NAV2: variants seen among roughly 807,000 people sequenced by gnomAD.
NAV2 encodes helicase, APC down-regulated 1.
Under a neutral mutation model 223.2 loss-of-function variants are expected in NAV2, and 54 were observed. That is an observed-to-expected ratio of 0.24 (90% confidence interval 0.19 to 0.30). The LOEUF (loss-of-function observed/expected upper bound fraction) is 0.30. Ranked by LOEUF, NAV2 falls within the 10% of genes least tolerant of loss-of-function variation. NAV2 has a pLI of 1.00. For synonymous variants in NAV2, 1,279 were observed against 1,239.3 expected (o/e 1.03, Z -0.67); for missense variants, 2,806 against 3,147.5 (o/e 0.89, Z 2.60).
chr11:19,771,437 G>T (rs1461394385), intron 1 of NAV2, among the ~76,000 whole-genome samples: 1 of 152,080 alleles, frequency 6.6e-6, no homozygotes, highest in Non-Finnish European at 1.5e-5. Flanking sequence ...GAGAATGGAA[G>T]GAAAAACCTT....
At chr11:20,062,251 CT>C in intron 19 of NAV2, 55 bp from the exon 20 acceptor site, 1 of 1,353,982 alleles carries the variant, frequency 7.4e-7, no homozygotes, top group Non-Finnish European at 1.0e-6. Flanking sequence ...CCCCTGTCCC[CT>C]TTTTGGTTCC....
chr11:19,821,033 C>CTGGT (rs1293466844), intron 1 of NAV2, among the ~76,000 whole-genome samples: 5 of 152,126 alleles, frequency 3.3e-5, no homozygotes, highest in Non-Finnish European at 7.4e-5. Flanking sequence ...GAGGCCGAGG[C>CTGGT]GGGCAAATCA....
At chr11:20,075,217 G>GTTT (rs1386079912) in intron 22 of NAV2, among the ~76,000 whole-genome samples, 1 of 100,664 alleles carries the variant, frequency 9.9e-6, no homozygotes, top group African/African-American at 5.8e-5. Flanking sequence ...TTGTTTTTTT[G>GTTT]TTTTGTTTTT....
In NAV2 at chr11:20,107,660, C is replaced by G; in HGVS notation, c.6842-4C>G. 1 of 1,612,886 alleles carries G rather than the reference C, an allele frequency of 6.2e-7. No individual in the cohort carries two copies. The highest frequency in any genetic ancestry group is 8.5e-7 in the Non-Finnish European group (1 of 1,178,884). On this transcript the variant is annotated splice_region_variant and splice_polypyrimidine_tract_variant and intron_variant, in intron 35 of 37. Coordinates refer to ENST00000349880, the MANE Select transcript of NAV2 (RefSeq NM_145117.5). ...TGCTAATGTATTTTCACTGTGGTCTCCAGGCCCCCGGCTCTTCCTGTCATG... is the reference window on the plus strand; with the variant it reads ...TGCTAATGTATTTTCACTGTGGTCTGCAGGCCCCCGGCTCTTCCTGTCATG...
chr11:20,105,808 T>A, intron 35 of NAV2, 81 bp downstream of exon 35: 1 of 1,116,812 alleles, frequency 9.0e-7, no homozygotes, highest in Non-Finnish European at 1.3e-6. Context: ...GACAGCACTT[T>A]GCAGGCACAG....
At chr11:20,062,164 C>T in intron 19 of NAV2, 143 bp from the exon 20 acceptor site, 1 of 538,544 alleles carries the variant, frequency 1.9e-6, no homozygotes, top group Non-Finnish European at 3.2e-6. Flanking sequence ...GACCTATCGC[C>T]AAACCAGGAA....
intron 1 of NAV2, among the ~76,000 whole-genome samples, chr11:19,812,068 A>T (rs1202643244): frequency 6.6e-6 from 1 of 152,162 alleles, no homozygotes; most frequent in Non-Finnish European, 1.5e-5. Flanking sequence ...TCCTGTCCAC[A>T]TTGAAAAAAG....
chr11:19,835,194 C>T (rs2060164122), intron 2 of NAV2, among the ~76,000 whole-genome samples: 2 of 152,186 alleles, frequency 1.3e-5, no homozygotes, highest in South Asian at 4.1e-4. Flanking sequence ...CATCTTTAGG[C>T]CTAGGGTACT....
rs555239456 is a variant in NAV2, at chr11:19,842,007, G to A, written c.386-864G>A. Among the ~76,000 whole-genome samples, 3 of 152,296 alleles carry A rather than the reference G, an allele frequency of 2.0e-5. No homozygotes were observed. The South Asian group carries it at 6.2e-4, about 32-fold the overall frequency. On this transcript the variant is annotated intron_variant, in intron 2 of 37. Transcript: ENST00000349880. Reference sequence around the variant, plus strand: ...TGACATGCCTGATGTCACACGCTAAGAAGCTCTGCAGCTGGAATTCACGCT... The same window carrying A: ...TGACATGCCTGATGTCACACGCTAAAAAGCTCTGCAGCTGGAATTCACGCT...
Position 20,105,744 on chromosome 11 carries a change from G to A in NAV2, c.6841+17G>A. The A allele has an allele frequency of 6.2e-7, 1 of 1,603,976 alleles. No individual in the cohort carries two copies. Among genetic ancestry groups the A allele is most frequent in the Non-Finnish European group, 8.5e-7 (1 of 1,174,020 alleles). On this transcript the variant is annotated intron_variant, in intron 35 of 37. Transcript: ENST00000349880. ...TCACCATCGGTGGGTGGGAGACTGG[G>A]GTCAGGGGGGCGGGCTGGCATCCTC...
chr11:19,686,647 C>T (rs1028430813), intron 1 of NAV2, among the ~76,000 whole-genome samples: 3 of 152,186 alleles, frequency 2.0e-5, no homozygotes, highest in Admixed American at 1.3e-4. Flanking sequence ...TGGGCCTGCC[C>T]AGGTGGGGAG....
chr11:19,898,636 A>C (rs1451261682), intron 6 of NAV2, among the ~76,000 whole-genome samples: 1 of 152,316 alleles, frequency 6.6e-6, no homozygotes, highest in African/African-American at 2.4e-5. Flanking sequence ...AATAGTGCTG[A>C]AATTAATATC....
chr11:20,117,211 A>G (rs2063182436), intron 37 of NAV2, among the ~76,000 whole-genome samples: 2 of 147,606 alleles, frequency 1.4e-5, no homozygotes, highest in African/African-American at 2.6e-5. Flanking sequence ...AAATAAAAGT[A>G]GTTTTTATTC....
At chr11:19,896,613 GTCATAGCCTGCAAT>G (rs1555128521) in intron 6 of NAV2, among the ~76,000 whole-genome samples, 1 of 152,178 alleles carries the variant, frequency 6.6e-6, no homozygotes, top group Non-Finnish European at 1.5e-5. Flanking sequence ...GGTCATCCAT[GTCATAGCCTGCAAT>G]TCATAGGCTT....
chr11:19,724,115 TC>T (rs1222769006), intron 1 of NAV2, among the ~76,000 whole-genome samples: 2 of 152,118 alleles, frequency 1.3e-5, no homozygotes, highest in East Asian at 3.9e-4. Context: ...GGCCATCTGT[TC>T]CCATAGCTCC....
chr11:19,388,395 G>A (rs1196663297), intron 1 of NAV2, among the ~76,000 whole-genome samples: 2 of 152,136 alleles, frequency 1.3e-5, no homozygotes, highest in African/African-American at 4.8e-5. Context: ...CCTCACAGTG[G>A]AGCTTCATTG....
chr11:19,353,690 T>A (rs1207284651), intron 1 of NAV2, among the ~76,000 whole-genome samples: 1 of 152,178 alleles, frequency 6.6e-6, no homozygotes, highest in African/African-American at 2.4e-5. Context: ...GGGCTTTCTT[T>A]TTTTCCTTTT....
chr11:19,835,627 A>G lies in NAV2; in HGVS notation c.385+3026A>G, dbSNP rs1407706881. On this transcript the variant is annotated intron_variant, in intron 2 of 37. Coordinates refer to ENST00000349880, the MANE Select transcript of NAV2 (RefSeq NM_145117.5). ...TCCATGCTTTCCGCCATACATGCCC[A>G]TTAAAAGAAAATGTAAAAATATATT... is the stretch of plus-strand genomic sequence containing the variant. Among the ~76,000 whole-genome samples the G allele has an allele frequency of 2.6e-5, 4 of 152,296 alleles. No homozygotes were observed. The South Asian group carries it at 8.3e-4, about 32-fold the overall frequency.
chr11:19,610,289 G>C (rs11025191), intron 1 of NAV2, among the ~76,000 whole-genome samples: 1 of 152,064 alleles, frequency 6.6e-6, no homozygotes, highest in African/African-American at 2.4e-5. Flanking sequence ...GATTTGAGGA[G>C]GCTTAAAATA....
Sources: allele counts gnomAD v4.1 joint callset (sites outside exome capture counted in the v4.1 genomes callset), GRCh38; gene constraint gnomAD v4.1.1; transcripts MANE v1.5; gene names NCBI Gene and HGNC (gene_info 2026-07-23, HGNC 2026-07-21).